XKR6: variants seen among roughly 807,000 people sequenced by gnomAD.
The protein encoded by XKR6 is XK related 6.
XKR6 carries 22 observed loss-of-function variants against 56.7 expected under a neutral mutation model. The observed-to-expected ratio is 0.39, with a 90% CI of 0.28 to 0.55. The LOEUF is 0.55. Ranked by LOEUF, XKR6 falls within the 20% of genes least tolerant of loss-of-function variation. The pLI is 0.66. For missense variants in XKR6, 852 were observed against 889.0 expected (o/e 0.96, Z 0.53); for synonymous variants, 524 against 387.8 (o/e 1.35, Z -4.13).
chr8:11,041,935 G>C (rs2129156307), intron 1 of XKR6, among the ~76,000 whole-genome samples: 1 of 152,260 alleles, frequency 6.6e-6, no homozygotes, highest in Non-Finnish European at 1.5e-5. Flanking sequence ...CCACACACAT[G>C]TATACACACC....
chr8:11,009,959 T>C (rs1798462617), intron 1 of XKR6, among the ~76,000 whole-genome samples: 1 of 152,200 alleles, frequency 6.6e-6, no homozygotes, highest in African/African-American at 2.4e-5. Context: ...TTATCAAAAA[T>C]AAAATAATTG....
intron 1 of XKR6, among the ~76,000 whole-genome samples, chr8:11,063,877 G>C (rs1799911115): frequency 6.6e-6 from 1 of 152,188 alleles, no homozygotes; most frequent in African/African-American, 2.4e-5. Context: ...GGATTTAACT[G>C]ATGGCCCCAG....
intron 1 of XKR6, among the ~76,000 whole-genome samples, chr8:11,071,866 G>C (rs1020226982): frequency 1.6e-5 from 2 of 126,094 alleles, no homozygotes; most frequent in African/African-American, 7.7e-5. Context: ...ACATCACAGG[G>C]AATCACTCTT....
intron 1 of XKR6, among the ~76,000 whole-genome samples, chr8:11,067,657 A>G (rs1800015483): frequency 6.6e-6 from 1 of 152,212 alleles, no homozygotes; most frequent in Non-Finnish European, 1.5e-5. Flanking sequence ...GGGAGTTGAG[A>G]CAGGTGGTTG....
chr8:11,119,298 GGA>G (rs1327588582), intron 1 of XKR6, among the ~76,000 whole-genome samples: 1 of 152,166 alleles, frequency 6.6e-6, no homozygotes, highest in Admixed American at 6.5e-5. Flanking sequence ...GATTTGGGGT[GGA>G]GAGTTCTGTA....
At chr8:11,013,724 C>A (rs1291527607) in intron 1 of XKR6, among the ~76,000 whole-genome samples, 1 of 152,196 alleles carries the variant, frequency 6.6e-6, no homozygotes, top group African/African-American at 2.4e-5. Context: ...AAACCAGCAC[C>A]TTCATGTTTA....
intron 1 of XKR6, among the ~76,000 whole-genome samples, chr8:10,962,081 G>C (rs1362643896): frequency 2.0e-5 from 3 of 152,254 alleles, no homozygotes; most frequent in Non-Finnish European, 4.4e-5. Context: ...ACAATGAAAA[G>C]TGTCTTGGCC....
chr8:11,097,247 C>A (rs1798291984), intron 1 of XKR6, among the ~76,000 whole-genome samples: 1 of 152,108 alleles, frequency 6.6e-6, no homozygotes, highest in Non-Finnish European at 1.5e-5. Context: ...GTGTATTTTC[C>A]CCATTGGGTT....
chr8:10,904,014 G>A (rs1252335289), intron 2 of XKR6, among the ~76,000 whole-genome samples: 2 of 152,150 alleles, frequency 1.3e-5, no homozygotes, highest in African/African-American at 2.4e-5. Context: ...CACAGGAACC[G>A]GCCGTGGAAG....
chr8:11,012,478 A>G (rs1038633848), intron 1 of XKR6, among the ~76,000 whole-genome samples: 1 of 152,228 alleles, frequency 6.6e-6, no homozygotes, highest in African/African-American at 2.4e-5. Context: ...TTGTGAGTGT[A>G]GTTGTTACGG....
intron 2 of XKR6, among the ~76,000 whole-genome samples, chr8:10,912,522 AGAGT>A (rs1800424341): frequency 7.1e-6 from 1 of 140,138 alleles, no homozygotes; most frequent in African/African-American, 2.7e-5. Flanking sequence ...ATACATAGAG[AGAGT>A]GAGTATATAT....
intron 1 of XKR6, among the ~76,000 whole-genome samples, chr8:11,031,898 G>A (rs1471235207): frequency 1.3e-5 from 2 of 152,210 alleles, no homozygotes; most frequent in Admixed American, 1.3e-4. Flanking sequence ...CCAGTCCCCA[G>A]CCTATCCTAA....
In XKR6 at chr8:11,200,414, G is replaced by A. The variant is rs988055302; in HGVS notation, c.764+162C>T. Among the ~76,000 whole-genome samples the A allele has an allele frequency of 1.3e-5, 2 of 152,342 alleles. No homozygotes were observed. Among genetic ancestry groups the A allele is most frequent in the Admixed American group, 1.3e-4 (2 of 15,308 alleles). Reference sequence around the variant, plus strand: ...GGCCAAAGGCGTGGCCAGGGATCCAGATCAAACGCCGGTCTTTTGGAGACG... The same window carrying A: ...GGCCAAAGGCGTGGCCAGGGATCCAAATCAAACGCCGGTCTTTTGGAGACG... On this transcript the variant is annotated intron_variant, in intron 1 of 2. Transcript: ENST00000416569. The surrounding 1 kb of genome is among the most constrained non-coding windows in gnomAD (Gnocchi z 6.4).
At chr8:11,019,803 G>C (rs1388429700) in intron 1 of XKR6, among the ~76,000 whole-genome samples, 1 of 152,202 alleles carries the variant, frequency 6.6e-6, no homozygotes, top group Non-Finnish European at 1.5e-5. Flanking sequence ...TCAGGCACCC[G>C]TGAGGCTCAG....
chr8:11,093,011 C>T (rs1057384409), intron 1 of XKR6, among the ~76,000 whole-genome samples: 1 of 151,762 alleles, frequency 6.6e-6, no homozygotes, highest in Non-Finnish European at 1.5e-5. Context: ...GCTTGCTTTT[C>T]TTTCTCTTTT....
intron 1 of XKR6, among the ~76,000 whole-genome samples, chr8:11,099,973 G>C (rs147034545): frequency 8.1e-4 from 123 of 152,348 alleles, no homozygotes; most frequent in African/African-American, 2.8e-3. Context: ...AGGCACGGGG[G>C]AGTAGGGCAC....
intron 1 of XKR6, among the ~76,000 whole-genome samples, chr8:11,186,822 T>C (rs960486783): frequency 2.0e-5 from 3 of 152,238 alleles, no homozygotes; most frequent in Admixed American, 1.3e-4. Flanking sequence ...TGTTCTACTG[T>C]GTTCAGTCAC....
At chr8:10,927,894 C>G (rs1278344571) in intron 1 of XKR6, among the ~76,000 whole-genome samples, 2 of 152,148 alleles carry the variant, frequency 1.3e-5, no homozygotes, top group Non-Finnish European at 2.9e-5. Flanking sequence ...GTTTGGACAG[C>G]ATGGTGCCTC....
chr8:11,137,645 T>C (rs185175935), intron 1 of XKR6: 1 of 456,228 alleles, frequency 2.2e-6, no homozygotes, highest in Non-Finnish European at 4.4e-6. Flanking sequence ...GGAAACACCA[T>C]GCCATGGTGT....
Sources: allele counts gnomAD v4.1 joint callset (sites outside exome capture counted in the v4.1 genomes callset), GRCh38; gene constraint gnomAD v4.1.1; non-coding constraint Gnocchi (gnomAD v3.1); transcripts MANE v1.5; gene names NCBI Gene and HGNC (gene_info 2026-07-23, HGNC 2026-07-21).